The following EFCAB6 variants were observed in gnomAD, a reference collection of about 807,000 sequenced individuals.
EFCAB6 encodes the protein EF-hand calcium binding domain 6, also known as EF-hand calcium-binding domain-containing protein 6.
A neutral mutation model predicts 169.8 loss-of-function variants in EFCAB6; 156 were observed. The ratio of observed to expected loss-of-function variants is 0.92; its 90% CI spans 0.81 to 1.05. The LOEUF (loss-of-function observed/expected upper bound fraction) is 1.05, where lower values mean the gene tolerates loss of function less well. Among genes scored for constraint, EFCAB6 ranks in the 50% least tolerant of loss-of-function variants. The pLI is 0.00. For missense variants in EFCAB6, 1,800 were observed against 1,829.1 expected, an observed-to-expected ratio of 0.98 and a Z score of 0.29; for synonymous variants, 698 against 676.4, an observed-to-expected ratio of 1.03 and a Z score of -0.50.
At chr22:43,732,422 T>C (rs1193483006) in intron 7 of EFCAB6, among the ~76,000 whole-genome samples, 1 of 151,538 alleles carries the variant, frequency 6.6e-6, no homozygotes, top group Non-Finnish European at 1.5e-5. Flanking sequence ...CAAGGCTTTT[T>C]AAAACAGCGA....
At chr22:43,604,126 G>A (rs968650559) in intron 22 of EFCAB6, among the ~76,000 whole-genome samples, 1 of 152,076 alleles carries the variant, frequency 6.6e-6, no homozygotes, top group Non-Finnish European at 1.5e-5. Flanking sequence ...GCAGATGCCA[G>A]CATCACACTT....
intron 6 of EFCAB6, among the ~76,000 whole-genome samples, chr22:43,746,402 T>C (rs1173925381): frequency 6.6e-6 from 1 of 152,210 alleles, no homozygotes; most frequent in Admixed American, 6.5e-5. Flanking sequence ...AGCAAAACTC[T>C]GGTTCGGGGT....
intron 27 of EFCAB6, chr22:43,552,583 G>A (rs1219626272): frequency 1.3e-5 from 2 of 152,052 alleles, no homozygotes; most frequent in Non-Finnish European, 2.9e-5. Flanking sequence ...TTTTTCATAT[G>A]TTTGTTGGCT....
chr22:43,647,829 G>C (rs1243769501), intron 17 of EFCAB6, among the ~76,000 whole-genome samples: 1 of 152,214 alleles, frequency 6.6e-6, no homozygotes, highest in Admixed American at 6.5e-5. Flanking sequence ...CAGGCCGAGG[G>C]ATGCCGGATG....
intron 17 of EFCAB6, among the ~76,000 whole-genome samples, chr22:43,662,644 C>A (rs1376308149): frequency 6.6e-6 from 1 of 151,184 alleles, no homozygotes; most frequent in Non-Finnish European, 1.5e-5. Context: ...TATCCATGAC[C>A]AAAAGGACAG....
chr22:43,565,795 A>G (rs957280816), intron 26 of EFCAB6, among the ~76,000 whole-genome samples: 5 of 152,304 alleles, frequency 3.3e-5, no homozygotes, highest in African/African-American at 1.2e-4. Flanking sequence ...ACAGAATAAG[A>G]ACTCAGCAGG....
At chr22:43,768,992 G>GGTAT (rs1392661005) in intron 4 of EFCAB6, among the ~76,000 whole-genome samples, 1 of 152,102 alleles carries the variant, frequency 6.6e-6, no homozygotes, top group East Asian at 1.9e-4. Context: ...TTCTCCCCTA[G>GGTAT]GTATGTACCC....
intron 13 of EFCAB6, among the ~76,000 whole-genome samples, chr22:43,673,162 C>T (rs1285685534): frequency 6.6e-6 from 1 of 152,094 alleles, no homozygotes. Context: ...GACTCTACAG[C>T]AAGGAAGGCT....
intron 2 of EFCAB6, among the ~76,000 whole-genome samples, chr22:43,808,009 C>T (rs1171740254): frequency 6.6e-6 from 1 of 152,142 alleles, no homozygotes; most frequent in East Asian, 1.9e-4. Flanking sequence ...ACTCAGTTTC[C>T]TCATTTGAAA....
At chr22:43,530,046 T>G (rs1432007298) in intron 31 of EFCAB6, among the ~76,000 whole-genome samples, 1 of 152,190 alleles carries the variant, frequency 6.6e-6, no homozygotes, top group Non-Finnish European at 1.5e-5. Flanking sequence ...CCCCATGGGA[T>G]GAAGGCAGAA....
At chr22:43,671,502 T>C (rs953316121) in intron 15 of EFCAB6, among the ~76,000 whole-genome samples, 1 of 152,206 alleles carries the variant, frequency 6.6e-6, no homozygotes, top group Admixed American at 6.5e-5. Flanking sequence ...GCAACATATT[T>C]AACTGTTGCA....
Position 43,608,778 on chromosome 22 carries a change from G to A in EFCAB6, c.2563-178C>T, listed in dbSNP as rs554028955. Among the ~76,000 whole-genome samples, 138 of 152,296 alleles carry A rather than the reference G, an allele frequency of 9.1e-4. 2 individuals are homozygous for A. Among genetic ancestry groups the A allele is most frequent in the Middle Eastern group, 3.4e-3 (1 of 294 alleles). ...CATCATTCCTGGAAAGAAAGTGATA[G>A]AGCAAAACGGAAATGAGAATTAGGG... On this transcript the variant is annotated intron_variant, in intron 21 of 31. Coordinates refer to ENST00000262726, the MANE Select transcript of EFCAB6 (RefSeq NM_022785.4).
intron 17 of EFCAB6, among the ~76,000 whole-genome samples, chr22:43,666,249 C>T (rs1278282865): frequency 1.3e-5 from 2 of 152,162 alleles, no homozygotes; most frequent in African/African-American, 4.8e-5. Flanking sequence ...AGGGTCTGGA[C>T]TATTTCAGTA....
At chr22:43,533,682 C>T (rs1005434528) in intron 30 of EFCAB6, among the ~76,000 whole-genome samples, 3 of 152,198 alleles carry the variant, frequency 2.0e-5, no homozygotes, top group Non-Finnish European at 2.9e-5. Context: ...GGGCTTTTTG[C>T]CCCCTTCGAC....
At chr22:43,618,220 A>G (rs548247863) in intron 20 of EFCAB6, among the ~76,000 whole-genome samples, 4 of 120,814 alleles carry the variant, frequency 3.3e-5, no homozygotes, top group East Asian at 2.6e-4. Flanking sequence ...GAAAGAAAGA[A>G]AGAGAAAGAA....
At chr22:43,599,652 T>A (rs1282051925) in intron 23 of EFCAB6, among the ~76,000 whole-genome samples, 1 of 151,946 alleles carries the variant, frequency 6.6e-6, no homozygotes. Context: ...TTAAAGGATA[T>A]GTCTGGTTCT....
chr22:43,723,607 A>G (rs1328015573), intron 8 of EFCAB6, among the ~76,000 whole-genome samples: 1 of 152,212 alleles, frequency 6.6e-6, no homozygotes, highest in East Asian at 1.9e-4. Flanking sequence ...CAAATTATGA[A>G]TAAGGAAAAC....
intron 5 of EFCAB6, among the ~76,000 whole-genome samples, chr22:43,756,658 A>G: frequency 6.6e-6 from 1 of 152,168 alleles, no homozygotes; most frequent in Non-Finnish European, 1.5e-5. Context: ...ACAGTGACGA[A>G]TGGGAAATAA....
At position 43,678,286 on chromosome 22, in the gene EFCAB6, AAATGC is replaced by A. The variant is rs1182274648; in HGVS notation, c.1252-128_1252-124del. The A allele has an allele frequency of 3.4e-6, 3 of 883,006 alleles. No homozygotes were observed. In the African/African-American group the frequency reaches 5.1e-5, roughly 15 times the overall value. 54.7% of individuals were successfully genotyped at this position (883,006 alleles called of 1,614,324 possible). The stretch of plus-strand genomic sequence containing the variant: ...TTTGGCCAAATAGAATTATGATTGG[AAATGC>A]AAATACATCGACTGATGATCCTTAC... On this transcript the variant is annotated intron_variant, in intron 12 of 31. Coordinates refer to ENST00000262726, the MANE Select transcript of EFCAB6 (RefSeq NM_022785.4).
Sources: gnomAD v4.1 joint callset for allele counts (sites outside exome capture counted in the v4.1 genomes callset) on GRCh38, gnomAD v4.1.1 for gene constraint, MANE v1.5 for transcripts, NCBI Gene and HGNC (gene_info 2026-07-23, HGNC 2026-07-21) for gene names.